Variants in ERC2 observed in about 807,000 individuals in gnomAD.
ERC2 encodes the protein ERC protein 2.
ERC2 carries 42 observed loss-of-function variants against 114.8 expected under a neutral mutation model. That is an observed-to-expected ratio of 0.37 (90% CI 0.29 to 0.47). ERC2 has a LOEUF of 0.47. Ranked by LOEUF, ERC2 falls within the 20% of genes least tolerant of loss-of-function variation. The probability of loss-of-function intolerance (pLI) is 0.99; values close to 1 mark genes in which losing one functional copy is unlikely to be tolerated. For synonymous variants in ERC2, 454 were observed against 425.5 expected, an observed-to-expected ratio of 1.07 and a Z score of -0.82; for missense variants, 939 against 1,150.7, an observed-to-expected ratio of 0.82 and a Z score of 2.66.
chr3:55,998,418 T>C (rs1269700930), intron 10 of ERC2, among the ~76,000 whole-genome samples: 3 of 152,134 alleles, frequency 2.0e-5, no homozygotes, highest in Admixed American at 2.0e-4. Flanking sequence ...AAACAAAACA[T>C]GTAGCTTCAA....
intron 14 of ERC2, among the ~76,000 whole-genome samples, chr3:55,855,066 C>T (rs2061733389): frequency 6.6e-6 from 1 of 152,130 alleles, no homozygotes; most frequent in African/African-American, 2.4e-5. Context: ...TTCTCTCTTA[C>T]CAATGTTTAT....
intron 14 of ERC2, among the ~76,000 whole-genome samples, chr3:55,764,777 A>T (rs1245395088): frequency 2.0e-5 from 3 of 152,168 alleles, no homozygotes; most frequent in African/African-American, 7.2e-5. Context: ...CACTCAAGGA[A>T]ATCTAGAGGC....
chr3:55,732,909 G>A (rs564853045), intron 15 of ERC2, among the ~76,000 whole-genome samples: 13 of 152,298 alleles, frequency 8.5e-5, no homozygotes, highest in Admixed American at 8.5e-4. Flanking sequence ...CAAAAGAGGT[G>A]AAGGTCAAGG....
At chr3:55,838,382 T>A (rs1343351935) in intron 14 of ERC2, among the ~76,000 whole-genome samples, 2 of 152,078 alleles carry the variant, frequency 1.3e-5, no homozygotes, top group Non-Finnish European at 2.9e-5. Flanking sequence ...AGAATAAAAC[T>A]AAACATCTAT....
At chr3:56,381,497 AT>A (rs1444136796) in intron 2 of ERC2, among the ~76,000 whole-genome samples, 2 of 152,118 alleles carry the variant, frequency 1.3e-5, no homozygotes, top group Non-Finnish European at 2.9e-5. Flanking sequence ...GTGTAAGTGG[AT>A]CCTCACAGTT....
chr3:55,702,180 AG>A (rs2063256843), intron 15 of ERC2, among the ~76,000 whole-genome samples: 1 of 152,232 alleles, frequency 6.6e-6, no homozygotes, highest in Non-Finnish European at 1.5e-5. Flanking sequence ...GTTGGAGAGT[AG>A]GCATGTCATG....
At chr3:56,174,396 G>C (rs960190991) in intron 3 of ERC2, among the ~76,000 whole-genome samples, 11 of 152,200 alleles carry the variant, frequency 7.2e-5, no homozygotes, top group African/African-American at 2.4e-4. Context: ...TTTTAGGAGA[G>C]TGAGCAATGG....
intron 13 of ERC2, among the ~76,000 whole-genome samples, chr3:55,934,087 T>C (rs924569176): frequency 2.0e-5 from 3 of 152,216 alleles, no homozygotes; most frequent in Non-Finnish European, 4.4e-5. Flanking sequence ...TGTGTATATA[T>C]ATCTATATAC....
At chr3:55,917,099 C>T (rs893774792) in intron 13 of ERC2, among the ~76,000 whole-genome samples, 1 of 152,118 alleles carries the variant, frequency 6.6e-6, no homozygotes. Flanking sequence ...ATTCCATTAA[C>T]TCACTAGTTC....
At chr3:56,466,598 T>TGACC (rs1225023833) in intron 1 of ERC2, among the ~76,000 whole-genome samples, 1 of 152,224 alleles carries the variant, frequency 6.6e-6, no homozygotes, top group East Asian at 1.9e-4. Context: ...GAAAATGGCT[T>TGACC]GACCCCACCA....
At chr3:55,788,729 G>C (rs2069726108) in intron 14 of ERC2, among the ~76,000 whole-genome samples, 1 of 152,142 alleles carries the variant, frequency 6.6e-6, no homozygotes, top group African/African-American at 2.4e-5. Context: ...GGCCATCGAA[G>C]GTCAGCTCTG....
At chr3:55,530,980 C>A (rs536466156) in intron 17 of ERC2, among the ~76,000 whole-genome samples, 1 of 152,236 alleles carries the variant, frequency 6.6e-6, no homozygotes, top group African/African-American at 2.4e-5. Context: ...GCCCAACTGA[C>A]CTTTTGAAGT....
At chr3:55,677,150 A>C (rs1211403145) in intron 17 of ERC2, among the ~76,000 whole-genome samples, 2 of 152,204 alleles carry the variant, frequency 1.3e-5, no homozygotes, top group Non-Finnish European at 2.9e-5. Flanking sequence ...TTATTTGTTA[A>C]ATATTCATTG....
chr3:55,747,688 T>A (rs904378352), intron 14 of ERC2, among the ~76,000 whole-genome samples: 1 of 152,254 alleles, frequency 6.6e-6, no homozygotes, highest in Non-Finnish European at 1.5e-5. Flanking sequence ...CATGTGGCCA[T>A]TGCCTTTGCA....
At chr3:55,626,652 G>C (rs1186749502) in intron 17 of ERC2, among the ~76,000 whole-genome samples, 1 of 152,218 alleles carries the variant, frequency 6.6e-6, no homozygotes, top group Non-Finnish European at 1.5e-5. Flanking sequence ...CATTGGAAAA[G>C]TAACCTCTAA....
At chr3:55,668,931 C>A (rs1191543162) in intron 17 of ERC2, among the ~76,000 whole-genome samples, 1 of 152,182 alleles carries the variant, frequency 6.6e-6, no homozygotes, top group African/African-American at 2.4e-5. Flanking sequence ...ATTTATTGAA[C>A]TAACTGCTAA....
intron 17 of ERC2, among the ~76,000 whole-genome samples, chr3:55,551,416 G>A (rs998531083): frequency 3.0e-4 from 45 of 152,012 alleles, no homozygotes; most frequent in African/African-American, 8.9e-4. Flanking sequence ...CCAGCTACTC[G>A]GGAGGCTAAG....
At chr3:55,641,436 G>A (rs1212670001) in intron 17 of ERC2, among the ~76,000 whole-genome samples, 2 of 151,584 alleles carry the variant, frequency 1.3e-5, no homozygotes, top group Admixed American at 1.3e-4. Context: ...TGTAATCCAA[G>A]CTACTCAGTA....
intron 15 of ERC2, among the ~76,000 whole-genome samples, chr3:55,703,758 G>A (rs2063347074): frequency 1.3e-5 from 2 of 152,242 alleles, no homozygotes; most frequent in African/African-American, 4.8e-5. Flanking sequence ...TCTAGGATGA[G>A]CCAGTTGAGT....
Sources: gnomAD v4.1 joint callset for allele counts (sites outside exome capture counted in the v4.1 genomes callset) on GRCh38, gnomAD v4.1.1 for gene constraint, MANE v1.5 for transcripts, NCBI Gene and HGNC (gene_info 2026-07-23, HGNC 2026-07-21) for gene names.